The following SYN3 variants were observed in gnomAD, a reference collection of about 807,000 sequenced individuals.
SYN3 encodes the protein synapsin III.
In SYN3, 35 loss-of-function variants were observed where a neutral mutation model predicts 65.8. That is an observed-to-expected ratio of 0.53 (90% CI 0.41 to 0.70). SYN3 has a LOEUF of 0.70. Among genes scored for constraint, SYN3 ranks in the 30% least tolerant of loss-of-function variants. The pLI is 0.00. For missense variants in SYN3, 680 were observed against 749.0 expected (o/e 0.91, Z 1.08); for synonymous variants, 270 against 292.9 (o/e 0.92, Z 0.80).
intron 3 of SYN3, among the ~76,000 whole-genome samples, chr22:32,946,293 A>G (rs1340395807): frequency 6.6e-6 from 1 of 152,222 alleles, no homozygotes; most frequent in Non-Finnish European, 1.5e-5. Flanking sequence ...GAACCAACCC[A>G]AATGTCCATC....
intron 6 of SYN3, among the ~76,000 whole-genome samples, chr22:32,764,426 T>C (rs2045570423): frequency 6.6e-6 from 1 of 152,166 alleles, no homozygotes; most frequent in African/African-American, 2.4e-5. Context: ...AAGACTGCGT[T>C]GAGAAAGCAA....
intron 4 of SYN3, among the ~76,000 whole-genome samples, chr22:32,907,990 C>T (rs2049947729): frequency 6.6e-6 from 1 of 152,184 alleles, no homozygotes; most frequent in African/African-American, 2.4e-5. Context: ...AACTAATGCA[C>T]ACAGAAGTTT....
intron 3 of SYN3, among the ~76,000 whole-genome samples, chr22:32,948,736 CAATA>C (rs71187222): frequency 3.3e-5 from 5 of 149,652 alleles, no homozygotes; most frequent in Non-Finnish European, 7.4e-5. Context: ...GACTCCGTCT[CAATA>C]AATAAATAAA....
chr22:32,737,492 T>A (rs1456529702), intron 6 of SYN3, among the ~76,000 whole-genome samples: 7 of 148,596 alleles, frequency 4.7e-5, no homozygotes, highest in Admixed American at 4.7e-4. Context: ...CAGGCCCCGG[T>A]GGGTGATGTT....
intron 1 of SYN3, among the ~76,000 whole-genome samples, chr22:33,052,453 CAT>C (rs1387809014): frequency 3.3e-5 from 5 of 152,066 alleles, no homozygotes; most frequent in African/African-American, 1.2e-4. Context: ...ACTACGGACA[CAT>C]GTGCTCTGTT....
At chr22:32,635,584 G>A (rs983403625) in intron 6 of SYN3, among the ~76,000 whole-genome samples, 1 of 152,192 alleles carries the variant, frequency 6.6e-6, no homozygotes, top group African/African-American at 2.4e-5. Context: ...AAGGTCCCTG[G>A]TGCAATGCTG....
At chr22:32,790,746 A>G (rs1421661234) in intron 6 of SYN3, among the ~76,000 whole-genome samples, 2 of 150,494 alleles carry the variant, frequency 1.3e-5, no homozygotes, top group Non-Finnish European at 2.9e-5. Context: ...AATAACGCCT[A>G]TGTTTAATGA....
intron 7 of SYN3, among the ~76,000 whole-genome samples, chr22:32,545,549 G>GTC (rs895153167): frequency 1.3e-4 from 20 of 150,746 alleles, no homozygotes; most frequent in African/African-American, 3.9e-4. Flanking sequence ...TGGAACCCAG[G>GTC]TCTCTCTCTC....
chr22:32,907,657 C>T (rs923110037), intron 4 of SYN3, among the ~76,000 whole-genome samples: 1 of 152,140 alleles, frequency 6.6e-6, no homozygotes, highest in Non-Finnish European at 1.5e-5. Context: ...AGCTATGGCC[C>T]ATGGGCTGGC....
intron 6 of SYN3, among the ~76,000 whole-genome samples, chr22:32,835,025 T>A (rs947885126): frequency 2.6e-5 from 4 of 152,242 alleles, no homozygotes; most frequent in African/African-American, 9.6e-5. Flanking sequence ...CTGATTGCTG[T>A]ACCCTTGTTT....
chr22:32,526,189 G>C (rs2057973825), intron 12 of SYN3, among the ~76,000 whole-genome samples: 1 of 152,134 alleles, frequency 6.6e-6, no homozygotes, highest in African/African-American at 2.4e-5. Flanking sequence ...AAATTTGTGT[G>C]ACTCCCTTTA....
At chr22:32,660,519 G>A (rs2060202616) in intron 6 of SYN3, among the ~76,000 whole-genome samples, 1 of 152,112 alleles carries the variant, frequency 6.6e-6, no homozygotes, top group Non-Finnish European at 1.5e-5. Flanking sequence ...TCTAATCCAG[G>A]GCCCATTCAT....
intron 6 of SYN3, among the ~76,000 whole-genome samples, chr22:32,656,085 CA>C (rs1290227936): frequency 1.3e-5 from 2 of 152,220 alleles, no homozygotes; most frequent in African/African-American, 4.8e-5. Flanking sequence ...GGTAGATGCA[CA>C]AAAACCAGTA....
intron 6 of SYN3, among the ~76,000 whole-genome samples, chr22:32,736,857 C>A (rs1278782824): frequency 1.3e-5 from 2 of 152,162 alleles, no homozygotes; most frequent in South Asian, 4.1e-4. Context: ...AAAGACCCCA[C>A]CAACCCCTTC....
At chr22:32,826,289 G>T (rs2047410691) in intron 6 of SYN3, among the ~76,000 whole-genome samples, 1 of 152,130 alleles carries the variant, frequency 6.6e-6, no homozygotes, top group Non-Finnish European at 1.5e-5. Context: ...AATTAGCTGG[G>T]TGTGGTGGTG....
chr22:32,592,008 C>A (rs1448339156), intron 7 of SYN3, among the ~76,000 whole-genome samples: 2 of 152,130 alleles, frequency 1.3e-5, no homozygotes, highest in Non-Finnish European at 2.9e-5. Context: ...CATAGTGGCC[C>A]CCAAAGTTCA....
chr22:33,040,564 G>T (rs1020528971), intron 1 of SYN3, among the ~76,000 whole-genome samples: 4 of 152,024 alleles, frequency 2.6e-5, no homozygotes, highest in Admixed American at 2.6e-4. Context: ...GTTGCTCCTC[G>T]ATATATGTCT....
chr22:32,529,352 G>A (rs534406805), intron 10 of SYN3, among the ~76,000 whole-genome samples: 2 of 152,154 alleles, frequency 1.3e-5, no homozygotes, highest in South Asian at 4.1e-4. Context: ...CAGGGTCGGG[G>A]CTGGCCACCT....
At chr22:32,704,265 T>A (rs2060849926) in intron 6 of SYN3, among the ~76,000 whole-genome samples, 1 of 152,188 alleles carries the variant, frequency 6.6e-6, no homozygotes, top group Non-Finnish European at 1.5e-5. Context: ...TCCCCCTTTG[T>A]GTTCATGTGT....
Sources: allele counts gnomAD v4.1 joint callset (sites outside exome capture counted in the v4.1 genomes callset), GRCh38; gene constraint gnomAD v4.1.1; transcripts MANE v1.5; gene names NCBI Gene and HGNC (gene_info 2026-07-23, HGNC 2026-07-21).